The following ATP2C2 variants were observed in gnomAD, a reference collection of about 807,000 sequenced individuals.
The protein encoded by ATP2C2 is calcium-transporting ATPase type 2C member 2.
A neutral mutation model predicts 110.8 loss-of-function variants in ATP2C2; 171 were observed. That is an observed-to-expected ratio of 1.54 (90% CI 1.36 to 1.75). The LOEUF is 1.75. Ranked by LOEUF, ATP2C2 falls within the 40% of genes most tolerant of loss-of-function variation. The pLI is 0.00. For synonymous variants in ATP2C2, 804 were observed against 508.4 expected (o/e 1.58, Z -7.82); for missense variants, 1,963 against 1,235.0 (o/e 1.59, Z -8.84).
chr16:84,428,653 C>T (rs925446707), intron 11 of ATP2C2, among the ~76,000 whole-genome samples: 5 of 152,092 alleles, frequency 3.3e-5, no homozygotes, highest in African/African-American at 1.2e-4. Context: ...ACTTGGAAAA[C>T]CCCATCCCAG....
At chr16:84,453,433 C>A in intron 20 of ATP2C2, 62 bp downstream of exon 20, 2 of 1,599,552 alleles carry the variant, frequency 1.3e-6, no homozygotes, top group East Asian at 2.2e-5. Context: ...CACTGTGGCT[C>A]GAGGAGCTCA....
intron 1 of ATP2C2, among the ~76,000 whole-genome samples, chr16:84,382,894 T>TAAAAAA (rs1170344466): frequency 2.2e-5 from 2 of 91,740 alleles, no homozygotes; most frequent in East Asian, 3.0e-4. Context: ...AGACTCCATC[T>TAAAAAA]AAAAAAAAAA....
Position 84,438,255 on chromosome 16 carries a change from A to T in ATP2C2, c.987-911A>T, listed in dbSNP as rs541940799. On this transcript the variant is annotated intron_variant, in intron 11 of 26. Transcript: ENST00000262429. ...ACCTGTGTAGCCACTACCCAGCTTC[A>T]GCAGTGGCCCACTTGCAAACACTCT... Among the ~76,000 whole-genome samples, 22 of 152,292 alleles carry T rather than the reference A, an allele frequency of 1.4e-4. No homozygotes were observed. The South Asian group carries it at 4.1e-3, about 29-fold the overall frequency.
chr16:84,429,616 T>C (rs745976858), intron 11 of ATP2C2, among the ~76,000 whole-genome samples: 8 of 151,804 alleles, frequency 5.3e-5, no homozygotes, highest in African/African-American at 1.9e-4. Context: ...CCTTCAAAGA[T>C]TGTAGGTCTC....
At chr16:84,453,822 A>C (rs574469858) in intron 20 of ATP2C2, among the ~76,000 whole-genome samples, 81 of 151,494 alleles carry the variant, frequency 5.3e-4, no homozygotes, top group African/African-American at 1.9e-3. Context: ...AAACTAAAAG[A>C]GAAGCTATCT....
chr16:84,375,551 AAAAAAG>A (rs911843508), intron 1 of ATP2C2, among the ~76,000 whole-genome samples: 12 of 151,960 alleles, frequency 7.9e-5, no homozygotes, highest in South Asian at 2.1e-4. Context: ...AAAAAAAAAA[AAAAAAG>A]AAAGAAAGAA....
At chr16:84,436,185 G>A (rs930003563) in intron 11 of ATP2C2, among the ~76,000 whole-genome samples, 81 of 152,334 alleles carry the variant, frequency 5.3e-4, no homozygotes, top group African/African-American at 1.8e-3. Flanking sequence ...TGTTTGAACT[G>A]TATCTTTTTC....
chr16:84,461,911 G>A (rs927263973), intron 25 of ATP2C2, 77 bp from the exon 26 acceptor site: 81 of 1,606,242 alleles, frequency 5.0e-5, no homozygotes, highest in Non-Finnish European at 6.3e-5. Flanking sequence ...CTGGCTCAGC[G>A]TGGGCAGTCA....
intron 1 of ATP2C2, among the ~76,000 whole-genome samples, chr16:84,396,859 C>T (rs1167929808): frequency 3.9e-5 from 6 of 151,902 alleles, no homozygotes; most frequent in Non-Finnish European, 8.8e-5. Flanking sequence ...TGCTGTGCTC[C>T]TGGGCACTGG....
chr16:84,454,791 G>C, intron 20 of ATP2C2, 27 bp from the exon 21 acceptor site: 1 of 1,557,602 alleles, frequency 6.4e-7, no homozygotes, highest in Non-Finnish European at 8.7e-7. Flanking sequence ...TCAGGCTGCA[G>C]GCCTTCATTG....
chr16:84,411,450 G>A (rs1322864396), intron 6 of ATP2C2, among the ~76,000 whole-genome samples: 1 of 151,968 alleles, frequency 6.6e-6, no homozygotes, highest in South Asian at 2.1e-4. Flanking sequence ...TTCTTTTTTT[G>A]TTGTTTTTTA....
At chr16:84,438,585 C>T (rs1419001992) in intron 11 of ATP2C2, among the ~76,000 whole-genome samples, 1 of 152,148 alleles carries the variant, frequency 6.6e-6, no homozygotes, top group Non-Finnish European at 1.5e-5. Flanking sequence ...TGGGGTCGCA[C>T]CGTACAGGGA....
intron 1 of ATP2C2, among the ~76,000 whole-genome samples, chr16:84,388,874 C>G (rs552638259): frequency 2.0e-5 from 3 of 152,278 alleles, no homozygotes; most frequent in African/African-American, 7.2e-5. Flanking sequence ...TGGGTTCAAG[C>G]GATTCTCCTG....
At chr16:84,380,960 C>A (rs1343710537) in intron 1 of ATP2C2, among the ~76,000 whole-genome samples, 3 of 152,096 alleles carry the variant, frequency 2.0e-5, no homozygotes, top group East Asian at 1.9e-4. Context: ...GCGGGCGGAT[C>A]ATGAGGTCAG....
At chr16:84,435,037 A>C (rs1186490453) in intron 11 of ATP2C2, among the ~76,000 whole-genome samples, 1 of 152,198 alleles carries the variant, frequency 6.6e-6, no homozygotes, top group Non-Finnish European at 1.5e-5. Context: ...CAGATTCTGT[A>C]ATCTTGGTTT....
intron 7 of ATP2C2, among the ~76,000 whole-genome samples, chr16:84,416,195 G>A (rs746573166): frequency 1.8e-4 from 27 of 152,266 alleles, no homozygotes; most frequent in Admixed American, 1.6e-3. Context: ...TGAGGTTTGG[G>A]GACATTGGCT....
In ATP2C2 at chr16:84,405,201, T is replaced by A; in HGVS notation, c.284T>A (p.Val95Asp). 1 of 1,614,148 alleles carries A rather than the reference T, an allele frequency of 6.2e-7. No homozygotes were observed. Among genetic ancestry groups the A allele is most frequent in the Non-Finnish European group, 8.5e-7 (1 of 1,180,026 alleles). The change falls in exon 3 of 27, where the codon GTT (valine) becomes GAT (aspartate). Residue 95 changes from valine (V) to aspartate (D), a missense_variant. Transcript: ENST00000262429. ...RRLAHGWNEF[V>D]ADNSEPVWKK... ...CTGGCCCATGGCTGGAATGAGTTTG[T>A]TGCTGACAACAGCGAACCTGTGTGG...
chr16:84,447,478 C>A (rs904038188), intron 16 of ATP2C2, among the ~76,000 whole-genome samples: 6 of 151,848 alleles, frequency 4.0e-5, no homozygotes, highest in African/African-American at 1.5e-4. Context: ...TGGGATGGAG[C>A]ATTGCAGATT....
chr16:84,436,196 A>T (rs891237380), intron 11 of ATP2C2, among the ~76,000 whole-genome samples: 5 of 152,204 alleles, frequency 3.3e-5, no homozygotes, highest in Non-Finnish European at 7.3e-5. Context: ...TATCTTTTTC[A>T]TTGGAATTTG....
Sources: allele counts gnomAD v4.1 joint callset (sites outside exome capture counted in the v4.1 genomes callset), GRCh38; gene constraint gnomAD v4.1.1; transcripts MANE v1.5; gene names NCBI Gene and HGNC (gene_info 2026-07-23, HGNC 2026-07-21).